GPSM1: variants seen among roughly 807,000 people sequenced by gnomAD.
GPSM1 encodes the protein G protein signaling modulator 1, also known as G protein-signaling modulator 1.
A neutral mutation model predicts 70.5 loss-of-function variants in GPSM1; 48 were observed. The observed-to-expected ratio is 0.68, with a 90% confidence interval of 0.54 to 0.87. The LOEUF (loss-of-function observed/expected upper bound fraction) is 0.87, where lower values mean the gene tolerates loss of function less well. GPSM1 is among the 40% of genes least tolerant of loss of function. GPSM1 has a pLI of 0.00. For missense variants in GPSM1, 981 were observed against 972.6 expected (o/e 1.01, Z -0.11); for synonymous variants, 416 against 430.1 (o/e 0.97, Z 0.41).
At chr9:136,336,401 C>G (rs1333748126) in intron 3 of GPSM1, among the ~76,000 whole-genome samples, 2 of 152,200 alleles carry the variant, frequency 1.3e-5, no homozygotes, top group Non-Finnish European at 2.9e-5. Flanking sequence ...CCTGGGGGGC[C>G]CAGCGGGAGG....
At chr9:136,357,523 C>T (rs573703215) in intron 13 of GPSM1, among the ~76,000 whole-genome samples, 6 of 152,380 alleles carry the variant, frequency 3.9e-5, no homozygotes, top group South Asian at 2.1e-4. Flanking sequence ...GCGAGGCCCA[C>T]GGGGTCAGCC....
At chr9:136,347,077 C>A (rs1389205633) in intron 9 of GPSM1, among the ~76,000 whole-genome samples, 1 of 151,974 alleles carries the variant, frequency 6.6e-6, no homozygotes, top group East Asian at 1.9e-4. Flanking sequence ...CTGGGCCTGC[C>A]CCCCGACATC....
At chr9:136,335,214 C>T (rs1832204375) in intron 2 of GPSM1, among the ~76,000 whole-genome samples, 1 of 151,994 alleles carries the variant, frequency 6.6e-6, no homozygotes, top group Non-Finnish European at 1.5e-5. Context: ...CCACTCCCAG[C>T]CACTGCTCAG....
intron 1 of GPSM1, among the ~76,000 whole-genome samples, chr9:136,333,989 T>C (rs1438342898): frequency 1.3e-5 from 2 of 149,630 alleles, no homozygotes; most frequent in African/African-American, 4.9e-5. Flanking sequence ...CACTACCGTC[T>C]GGGAGCCTCA....
At chr9:136,350,163 A>G (rs377411606) in intron 11 of GPSM1, among the ~76,000 whole-genome samples, 475 of 152,080 alleles carry the variant, frequency 3.1e-3, no homozygotes, top group African/African-American at 0.011. Flanking sequence ...GACCCTCCAG[A>G]CCCATCCGCT....
chr9:136,355,935 T>TC (rs1176729640), intron 12 of GPSM1, 89 bp downstream of exon 12: 1 of 1,137,922 alleles, frequency 8.8e-7, no homozygotes, highest in Non-Finnish European at 1.2e-6. Context: ...TGAGGAGTTT[T>TC]CGGGGGCAGA....
intron 1 of GPSM1, among the ~76,000 whole-genome samples, chr9:136,329,457 C>T (rs906912827): frequency 6.6e-6 from 1 of 152,222 alleles, no homozygotes; most frequent in African/African-American, 2.4e-5. Flanking sequence ...GGCTGGAGAG[C>T]AAGACACGGA....
chr9:136,337,165 C>T (rs1832261615), intron 4 of GPSM1, 93 bp downstream of exon 4: 1 of 1,209,612 alleles, frequency 8.3e-7, no homozygotes, highest in South Asian at 1.5e-5. Context: ...CAGCCCCATA[C>T]CTCCCGACAG....
intron 2 of GPSM1, 52 bp from the exon 3 acceptor site, chr9:136,335,914 C>T (rs1342623302): frequency 3.2e-6 from 5 of 1,585,734 alleles, no homozygotes; most frequent in Non-Finnish European, 4.3e-6. Flanking sequence ...CCCCCGGGCC[C>T]AGAGGCCTGA....
chr9:136,345,033 GCAGTGAGGCGGGGA>G (rs1278034174), intron 9 of GPSM1, among the ~76,000 whole-genome samples: 2 of 152,238 alleles, frequency 1.3e-5, no homozygotes, highest in Admixed American at 1.3e-4. Flanking sequence ...CTCTGGATCT[GCAGTGAGGCGGGGA>G]CAGACTGGAT....
rs762661240 is a variant in GPSM1 at position 136,355,865 on chromosome 9, C to G, written c.1612+19C>G. 1 of 1,589,770 alleles carries G rather than the reference C, an allele frequency of 6.3e-7. No homozygotes were observed. Among genetic ancestry groups the G allele is most frequent in the Admixed American group, 1.7e-5 (1 of 58,018 alleles). On this transcript the variant is annotated intron_variant, in intron 12 of 13. Transcript: ENST00000440944. The stretch of plus-strand genomic sequence containing the variant: ...AGGATCGGTGAGTGCCCCCCTCAGC[C>G]GGGCCCTCCCTTGGGCTTGTCTGCA...
In GPSM1 at chr9:136,341,816, A is replaced by G; in HGVS notation, c.1207+823A>G. ...GTTTCTTTTTCTTATCTTATTTTTA[A>G]TAATTAAATGTTTTTATAGAGATAG... On this transcript the variant is annotated intron_variant, in intron 9 of 13. Transcript: ENST00000440944. The surrounding 1 kb of genome is among the most constrained non-coding windows in gnomAD (Gnocchi z 6.7). 1.0e-6 allele frequency: 1 copy of G among 973,082 alleles called. No homozygotes were observed. The highest frequency in any genetic ancestry group is 1.2e-6 in the Non-Finnish European group (1 of 818,716). The allele number at this position is 973,082 out of a possible 1,614,324, so 60.3% of individuals were successfully genotyped here.
chr9:136,346,747 A>G (rs1832532439), intron 9 of GPSM1, among the ~76,000 whole-genome samples: 1 of 152,122 alleles, frequency 6.6e-6, no homozygotes, highest in Admixed American at 6.5e-5. Flanking sequence ...CCAGGCTCAT[A>G]TTTAAATCAG....
chr9:136,330,206 G>T (rs1478288856), intron 1 of GPSM1, among the ~76,000 whole-genome samples: 1 of 151,882 alleles, frequency 6.6e-6, no homozygotes, highest in African/African-American at 2.4e-5. Context: ...TGCTCCCCGG[G>T]GCTGGGGCCG....
In GPSM1 at chr9:136,356,382, C is replaced by T. The variant is rs782116136; in HGVS notation, c.1653C>T (p.Phe551=). The T allele has an allele frequency of 6.2e-7, 1 of 1,608,430 alleles. No homozygotes were observed. The highest frequency in any genetic ancestry group is 8.5e-7 in the Non-Finnish European group (1 of 1,177,630). Residue 551 remains phenylalanine, a synonymous_variant, in exon 13 of 14, where the codon TTC becomes TTT. Coordinates refer to ENST00000440944, the MANE Select transcript of GPSM1 (RefSeq NM_001145638.3). ...CGGCCTCGCCCCAGACCGAGGAATT[C>T]TTCGACCTCATCGCCAGCTCCCAGA... ...SMTASPQTEE[F]FDLIASSQSR...
Position 136,341,017 on chromosome 9 carries a change from G to C in GPSM1, c.1207+24G>C, listed in dbSNP as rs988985413. Reference sequence around the variant, plus strand: ...GGGTGAGTTCCAGGGTTGTGGGGGGGTCTTGCTCCCCACAGGCACGGACCG... The same window carrying C: ...GGGTGAGTTCCAGGGTTGTGGGGGGCTCTTGCTCCCCACAGGCACGGACCG... On this transcript the variant is annotated intron_variant, in intron 9 of 13. Coordinates refer to ENST00000440944, the MANE Select transcript of GPSM1 (RefSeq NM_001145638.3). The surrounding 1 kb of genome is among the most constrained non-coding windows in gnomAD (Gnocchi z 6.7). 2.6e-6 allele frequency: 4 copies of C among 1,562,260 alleles called. No homozygotes were observed. The highest frequency in any genetic ancestry group is 3.5e-6 in the Non-Finnish European group (4 of 1,153,762).
chr9:136,348,995 G>C (rs1196307284), intron 10 of GPSM1, among the ~76,000 whole-genome samples: 1 of 152,246 alleles, frequency 6.6e-6, no homozygotes, highest in Non-Finnish European at 1.5e-5. Context: ...ACACATTTCA[G>C]GCCCCCATAC....
Position 136,355,809 on chromosome 9 carries a change from C to G in GPSM1, c.1575C>G (p.Ala525=), listed in dbSNP as rs368172740. The change falls in exon 12 of 14, where the codon GCC becomes GCG. Residue 525 remains alanine, a synonymous_variant. Transcript: ENST00000440944. ...CPLDDGQAGA[A]EATAAPTLED... is the part of the protein sequence containing the mutation. Reference sequence around the variant, plus strand: ...TGGACGATGGCCAGGCCGGGGCTGCCGAGGCCACGGCCGCCCCCACCCTGG... The same window carrying G: ...TGGACGATGGCCAGGCCGGGGCTGCGGAGGCCACGGCCGCCCCCACCCTGG... 1 of 1,611,494 alleles carries G rather than the reference C, an allele frequency of 6.2e-7. No individual in the cohort carries two copies. The highest frequency in any genetic ancestry group is 8.5e-7 in the Non-Finnish European group (1 of 1,179,084).
At chr9:136,329,126 G>A (rs4074594) in intron 1 of GPSM1, among the ~76,000 whole-genome samples, 62,801 of 151,998 alleles carry the variant, frequency 0.41, 13,192 homozygotes, top group Middle Eastern at 0.57. Context: ...GACACGCCAG[G>A]CAGGAGCCAG....
Sources: gnomAD v4.1 joint callset for allele counts (sites outside exome capture counted in the v4.1 genomes callset) on GRCh38, gnomAD v4.1.1 for gene constraint, Gnocchi (gnomAD v3.1) non-coding constraint, MANE v1.5 for transcripts, NCBI Gene and HGNC (gene_info 2026-07-23, HGNC 2026-07-21) for gene names.